The following PIK3C2G variants were observed in gnomAD, a reference collection of about 807,000 sequenced individuals.
The protein encoded by PIK3C2G is phosphatidylinositol 3-kinase C2 domain-containing subunit gamma.
A neutral mutation model predicts 181.1 loss-of-function variants in PIK3C2G; 168 were observed. The ratio of observed to expected loss-of-function variants is 0.93; its 90% CI spans 0.82 to 1.05. PIK3C2G has a LOEUF of 1.05. Ranked by LOEUF, PIK3C2G falls within the 50% of genes least tolerant of loss-of-function variation. PIK3C2G has a pLI of 0.00. For synonymous variants in PIK3C2G, 573 were observed against 592.2 expected, an observed-to-expected ratio of 0.97 and a Z score of 0.47; for missense variants, 1,869 against 1,732.8, an observed-to-expected ratio of 1.08 and a Z score of -1.40.
At chr12:18,256,360 A>G (rs557071738) in intron 1 of PIK3C2G, among the ~76,000 whole-genome samples, 2 of 152,094 alleles carry the variant, frequency 1.3e-5, no homozygotes, top group East Asian at 3.9e-4. Context: ...GTTGCTATGC[A>G]CGCAGACTAT....
chr12:18,326,436 A>C (rs1300637286), intron 8 of PIK3C2G, among the ~76,000 whole-genome samples: 1 of 152,212 alleles, frequency 6.6e-6, no homozygotes, highest in East Asian at 1.9e-4. Flanking sequence ...CTCAGATAAT[A>C]ACTATTTGTA....
chr12:18,651,592 A>G (rs1357927497), downstream of PIK3C2G, among the ~76,000 whole-genome samples: 3 of 152,104 alleles, frequency 2.0e-5, no homozygotes, highest in African/African-American at 7.2e-5. Context: ...TGCCTTCTCT[A>G]GTTGTGACTC....
chr12:18,686,762 T>C, the PIK3C2G span, among the ~76,000 whole-genome samples: 1 of 151,992 alleles, frequency 6.6e-6, no homozygotes, highest in Admixed American at 6.6e-5. Flanking sequence ...TATAGAAGAG[T>C]TCGTTGGTCC....
the PIK3C2G span, among the ~76,000 whole-genome samples, chr12:18,701,249 T>C: frequency 3.3e-5 from 5 of 152,008 alleles, no homozygotes; most frequent in Non-Finnish European, 7.4e-5. Context: ...CCTCCCAAAG[T>C]GCTGGGATTA....
At position 18,286,942 on chromosome 12, in the gene PIK3C2G, A is replaced by G; in HGVS notation, c.761+13A>G. On this transcript the variant is annotated intron_variant, in intron 3 of 32. Coordinates refer to ENST00000538779, the MANE Select transcript of PIK3C2G (RefSeq NM_001288772.2). ...ACAAAGTAAAAAAGTGAGTACTGGT[A>G]TTTCATTAAACTTTGAAATTTTTGT... 6.9e-7 allele frequency: 1 copy of G among 1,442,556 alleles called. No individual in the cohort carries two copies. Among genetic ancestry groups the G allele is most frequent in the Non-Finnish European group, 9.4e-7 (1 of 1,062,668 alleles). The allele number at this position is 1,442,556 out of a possible 1,614,324, so 89.4% of individuals were successfully genotyped here.
intron 5 of PIK3C2G, among the ~76,000 whole-genome samples, chr12:18,304,915 A>G (rs1950356083): frequency 6.6e-6 from 1 of 152,134 alleles, no homozygotes; most frequent in African/African-American, 2.4e-5. Flanking sequence ...ACATAACTCT[A>G]CTCCTCCACT....
intron 29 of PIK3C2G, among the ~76,000 whole-genome samples, chr12:18,575,550 G>T (rs746468305): frequency 2.0e-5 from 3 of 152,106 alleles, no homozygotes; most frequent in Admixed American, 6.5e-5. Flanking sequence ...ATTATTTCAA[G>T]GCTGGTAGAC....
At chr12:18,578,862 T>C (rs1946354582) in intron 29 of PIK3C2G, among the ~76,000 whole-genome samples, 1 of 152,106 alleles carries the variant, frequency 6.6e-6, no homozygotes, top group African/African-American at 2.4e-5. Context: ...TTAACTTGAA[T>C]CTATACTATT....
intron 18 of PIK3C2G, among the ~76,000 whole-genome samples, chr12:18,448,226 T>C (rs1051710203): frequency 2.0e-5 from 3 of 152,180 alleles, no homozygotes; most frequent in African/African-American, 4.8e-5. Context: ...AGTTTGTGTA[T>C]GTTTTGTAAT....
At chr12:18,547,871 A>G (rs1487192716) in intron 26 of PIK3C2G, among the ~76,000 whole-genome samples, 6 of 151,892 alleles carry the variant, frequency 4.0e-5, no homozygotes, top group African/African-American at 1.5e-4. Flanking sequence ...GGTATTTTAG[A>G]CCCTTTATTT....
chr12:18,497,131 C>T (rs1941076668), intron 21 of PIK3C2G, among the ~76,000 whole-genome samples: 1 of 152,116 alleles, frequency 6.6e-6, no homozygotes, highest in Non-Finnish European at 1.5e-5. Flanking sequence ...TTTGAGAAAT[C>T]ACTGATTTAA....
chr12:18,401,664 A>G (rs1176176500), intron 16 of PIK3C2G, among the ~76,000 whole-genome samples: 2 of 152,194 alleles, frequency 1.3e-5, no homozygotes, highest in Non-Finnish European at 2.9e-5. Flanking sequence ...AAACTCAACA[A>G]TAGAAAGATA....
chr12:18,712,117 C>T, the PIK3C2G span, among the ~76,000 whole-genome samples: 1 of 151,976 alleles, frequency 6.6e-6, no homozygotes, highest in African/African-American at 2.4e-5. Context: ...AGTAAGAATT[C>T]TTTTAGTCAT....
At chr12:18,569,782 C>T (rs145675269) in intron 29 of PIK3C2G, among the ~76,000 whole-genome samples, 27 of 152,210 alleles carry the variant, frequency 1.8e-4, no homozygotes, top group African/African-American at 5.1e-4. Flanking sequence ...GGTTGGTGTG[C>T]GTCTCATTGA....
chr12:18,665,290 A>C, the PIK3C2G span, among the ~76,000 whole-genome samples: 1 of 152,122 alleles, frequency 6.6e-6, no homozygotes, highest in Non-Finnish European at 1.5e-5. Flanking sequence ...AGATGGAAAG[A>C]GTTCTGGAGA....
intron 9 of PIK3C2G, among the ~76,000 whole-genome samples, chr12:18,342,794 T>C (rs1411761116): frequency 1.3e-5 from 2 of 152,028 alleles, no homozygotes; most frequent in Non-Finnish European, 2.9e-5. Context: ...GGATTTCAGA[T>C]TGTATTTTTT....
At position 18,639,574 on chromosome 12, in the gene PIK3C2G, G is replaced by A. The variant is rs552018061; in HGVS notation, c.4183-855G>A. On this transcript the variant is annotated intron_variant, in intron 31 of 32. Coordinates refer to ENST00000538779, the MANE Select transcript of PIK3C2G (RefSeq NM_001288772.2). ...CTCTACAGTTGGTCAAGATCACAAAGGTAAAATCCATTTCTTTCAAGTATG... is the reference window on the plus strand; with the variant it reads ...CTCTACAGTTGGTCAAGATCACAAAAGTAAAATCCATTTCTTTCAAGTATG... Among the ~76,000 whole-genome samples, 31 of 152,200 alleles carry A rather than the reference G, an allele frequency of 2.0e-4. No homozygotes were observed. The South Asian group carries it at 6.4e-3, about 32-fold the overall frequency.
intron 31 of PIK3C2G, among the ~76,000 whole-genome samples, 178 bp downstream of exon 31, chr12:18,609,807 A>G (rs766393490): frequency 2.0e-5 from 3 of 152,030 alleles, no homozygotes; most frequent in Admixed American, 6.6e-5. Context: ...CCTTGGGGTA[A>G]AGACTCTAAA....
chr12:18,266,772 T>C (rs534396507), intron 1 of PIK3C2G, among the ~76,000 whole-genome samples: 2 of 152,146 alleles, frequency 1.3e-5, no homozygotes, highest in Non-Finnish European at 2.9e-5. Context: ...TCCAGATAGA[T>C]TTTTCTTTCT....
Sources: gnomAD v4.1 joint callset for allele counts (sites outside exome capture counted in the v4.1 genomes callset) on GRCh38, gnomAD v4.1.1 for gene constraint, MANE v1.5 for transcripts, NCBI Gene and HGNC (gene_info 2026-07-23, HGNC 2026-07-21) for gene names.